MAP2K1: variants seen among roughly 807,000 people sequenced by gnomAD.
MAP2K1 encodes the protein mitogen-activated protein kinase kinase 1, also known as dual specificity mitogen-activated protein kinase kinase 1.
Under a neutral mutation model 46.3 loss-of-function variants are expected in MAP2K1, and 16 were observed. That is an observed-to-expected ratio of 0.35 (90% CI 0.23 to 0.52). The LOEUF (loss-of-function observed/expected upper bound fraction) is 0.52. MAP2K1 is among the 20% of genes least tolerant of loss of function. The pLI is 0.94. For missense variants in MAP2K1, 263 were observed against 497.1 expected, an observed-to-expected ratio of 0.53 and a Z score of 4.48; for synonymous variants, 183 against 185.6, an observed-to-expected ratio of 0.99 and a Z score of 0.11.
At chr15:66,456,598 T>A (rs1892170546) in intron 5 of MAP2K1, among the ~76,000 whole-genome samples, 1 of 152,198 alleles carries the variant, frequency 6.6e-6, no homozygotes, top group African/African-American at 2.4e-5. Context: ...TAGTGCTCCC[T>A]ATCCCAGAGA....
chr15:66,489,660 T>C (rs919177701), intron 9 of MAP2K1, 58 bp from the exon 10 acceptor site: 4 of 1,307,780 alleles, frequency 3.1e-6, no homozygotes, highest in Non-Finnish European at 4.4e-6. Flanking sequence ...GCAAACATGT[T>C]ATTTGAGCTA....
At chr15:66,428,523 C>T (rs2093465983) in intron 1 of MAP2K1, among the ~76,000 whole-genome samples, 1 of 152,076 alleles carries the variant, frequency 6.6e-6, no homozygotes, top group African/African-American at 2.4e-5. Flanking sequence ...AGGTTTTCAA[C>T]TGATTGGCTG....
chr15:66,421,379 G>A (rs1426669697), intron 1 of MAP2K1, among the ~76,000 whole-genome samples: 10 of 151,358 alleles, frequency 6.6e-5, no homozygotes, highest in Non-Finnish European at 1.0e-4. Flanking sequence ...CAAGCGATCC[G>A]CTTTGGCCTT....
In MAP2K1 at chr15:66,470,094, G is replaced by T. The variant is rs887047086; in HGVS notation, c.569-11661G>T. On this transcript the variant is annotated intron_variant, in intron 5 of 10. Transcript: ENST00000307102. ...CTCCACCATGCCACTTTTTTTTCTTGTTTTTTTTTTTTTTTTTTTTTTTTG... is the reference window on the plus strand; with the variant it reads ...CTCCACCATGCCACTTTTTTTTCTTTTTTTTTTTTTTTTTTTTTTTTTTTG... 9.8e-3 allele frequency among the ~76,000 whole-genome samples: 750 copies of T among 76,600 alleles called. 2 individuals are homozygous for T. Among genetic ancestry groups the T allele is most frequent in the South Asian group, 0.021 (37 of 1,786 alleles). 50.3% of individuals were successfully genotyped at this position (76,600 alleles called of 152,430 possible). A position where few individuals can be genotyped will look rare whatever the true frequency, so the allele number is the denominator to read the frequency against.
chr15:66,412,243 G>A (rs190041083), intron 1 of MAP2K1, among the ~76,000 whole-genome samples: 3 of 152,340 alleles, frequency 2.0e-5, no homozygotes, highest in Non-Finnish European at 2.9e-5. Flanking sequence ...CTCCAGGACT[G>A]TGGTTTGATA....
intron 3 of MAP2K1, among the ~76,000 whole-genome samples, chr15:66,440,038 G>T (rs997056536): frequency 1.3e-5 from 2 of 152,034 alleles, no homozygotes; most frequent in African/African-American, 2.4e-5. Flanking sequence ...GAGATATTTG[G>T]TTTACCATAT....
At chr15:66,417,123 C>CT (rs922429511) in intron 1 of MAP2K1, among the ~76,000 whole-genome samples, 2 of 152,156 alleles carry the variant, frequency 1.3e-5, no homozygotes, top group African/African-American at 4.8e-5. Flanking sequence ...CACCCCACAT[C>CT]TTTTTTCAGA....
At chr15:66,433,085 G>A (rs996656792) in intron 1 of MAP2K1, among the ~76,000 whole-genome samples, 3 of 151,630 alleles carry the variant, frequency 2.0e-5, no homozygotes, top group Non-Finnish European at 2.9e-5. Flanking sequence ...TAGCTGTGGG[G>A]TCCATCTACA....
intron 1 of MAP2K1, among the ~76,000 whole-genome samples, chr15:66,397,509 T>C (rs1343465383): frequency 1.3e-5 from 2 of 152,224 alleles, no homozygotes; most frequent in Non-Finnish European, 2.9e-5. Flanking sequence ...ACTGGAATGC[T>C]ATGCAAATGG....
At chr15:66,416,077 C>CTCA (rs965415636) in intron 1 of MAP2K1, among the ~76,000 whole-genome samples, 1 of 152,206 alleles carries the variant, frequency 6.6e-6, no homozygotes, top group Non-Finnish European at 1.5e-5. Flanking sequence ...GCAGCCCCAT[C>CTCA]TCATCACTCA....
At chr15:66,448,569 A>G (rs1891941788) in intron 5 of MAP2K1, among the ~76,000 whole-genome samples, 1 of 152,178 alleles carries the variant, frequency 6.6e-6, no homozygotes, top group South Asian at 2.1e-4. Context: ...TCCAGGGAAA[A>G]TTTCTCAAAA....
At chr15:66,430,475 T>G (rs2093472522) in intron 1 of MAP2K1, among the ~76,000 whole-genome samples, 1 of 152,208 alleles carries the variant, frequency 6.6e-6, no homozygotes, top group Non-Finnish European at 1.5e-5. Context: ...TGTGGCAGTT[T>G]GGAGATCCCA....
intron 5 of MAP2K1, among the ~76,000 whole-genome samples, chr15:66,445,477 A>T (rs1348077562): frequency 6.6e-6 from 1 of 152,232 alleles, no homozygotes; most frequent in Non-Finnish European, 1.5e-5. Flanking sequence ...ACACTTAACC[A>T]TGTGACCATA....
At chr15:66,442,167 GTC>G (rs1361645724) in intron 3 of MAP2K1, among the ~76,000 whole-genome samples, 1 of 152,140 alleles carries the variant, frequency 6.6e-6, no homozygotes, top group African/African-American at 2.4e-5. Context: ...TGCCTCCAGA[GTC>G]TTGTTTGTCT....
chr15:66,475,921 C>T (rs1455466077), intron 5 of MAP2K1, among the ~76,000 whole-genome samples: 1 of 152,172 alleles, frequency 6.6e-6, no homozygotes, highest in African/African-American at 2.4e-5. Context: ...ATTGTTTTAT[C>T]CAAACACCTT....
intron 5 of MAP2K1, among the ~76,000 whole-genome samples, chr15:66,472,075 C>CAG (rs369113702): frequency 2.2e-5 from 2 of 91,576 alleles, no homozygotes; most frequent in African/African-American, 9.2e-5. Flanking sequence ...GACTCCATCT[C>CAG]AAAAAAAAAA....
chr15:66,465,251 G>A (rs1305340078), intron 5 of MAP2K1, among the ~76,000 whole-genome samples: 1 of 151,992 alleles, frequency 6.6e-6, no homozygotes, highest in Non-Finnish European at 1.5e-5. Flanking sequence ...GGCTTTATTC[G>A]GCTGGGAGCT....
At position 66,418,888 on chromosome 15, in the gene MAP2K1, C is replaced by T. The variant is rs183058891; in HGVS notation, c.81-16139C>T. On this transcript the variant is annotated intron_variant, in intron 1 of 10. Transcript: ENST00000307102. Reference sequence around the variant, plus strand: ...GTCTCGATCTCCTGACCTTGTGATCCGCCCACCTCAGCCTCTCAAAGTGCT... The same window carrying T: ...GTCTCGATCTCCTGACCTTGTGATCTGCCCACCTCAGCCTCTCAAAGTGCT... Among the ~76,000 whole-genome samples the T allele has an allele frequency of 1.7e-4, 26 of 151,272 alleles. No homozygotes were observed. In the East Asian group the frequency reaches 3.7e-3, roughly 21 times the overall value.
rs1196770818 is a variant in MAP2K1 at position 66,478,442 on chromosome 15, G to GTA, written c.569-3302_569-3301dup. 3.5e-4 allele frequency among the ~76,000 whole-genome samples: 49 copies of GTA among 138,406 alleles called. 1 individual carries two copies. The highest frequency in any genetic ancestry group is 1.1e-3 in the African/African-American group (42 of 37,276). The allele number at this position is 138,406 out of a possible 152,430, so 90.8% of individuals were successfully genotyped here. Reference sequence around the variant, plus strand: ...CACAGGTATATATATATACACACAGGTATATATATATACAGGTATATATAT... The same window carrying GTA: ...CACAGGTATATATATATACACACAGGTATATATATATATACAGGTATATATAT... On this transcript the variant is annotated intron_variant, in intron 5 of 10. Transcript: ENST00000307102.
Sources: gnomAD v4.1 joint callset for allele counts (sites outside exome capture counted in the v4.1 genomes callset) on GRCh38, gnomAD v4.1.1 for gene constraint, MANE v1.5 for transcripts, NCBI Gene and HGNC (gene_info 2026-07-23, HGNC 2026-07-21) for gene names.